SEC16A: variants seen among roughly 807,000 people sequenced by gnomAD.
SEC16A encodes the protein SEC16 homolog A, endoplasmic reticulum export factor.
Under a neutral mutation model 221.9 loss-of-function variants are expected in SEC16A, and 110 were observed. The ratio of observed to expected loss-of-function variants is 0.50; its 90% CI spans 0.42 to 0.58. SEC16A has a LOEUF of 0.58. SEC16A is among the 20% of genes least tolerant of loss of function. The probability of loss-of-function intolerance (pLI) is 0.00; values close to 1 mark genes in which losing one functional copy is unlikely to be tolerated. For missense variants in SEC16A, 3,165 were observed against 3,097.8 expected (o/e 1.02, Z -0.52); for synonymous variants, 1,393 against 1,257.7 (o/e 1.11, Z -2.28).
intron 12 of SEC16A, among the ~76,000 whole-genome samples, chr9:136,461,632 G>A (rs898707080): frequency 6.6e-6 from 1 of 152,158 alleles, no homozygotes; most frequent in South Asian, 2.1e-4. Flanking sequence ...GGAGGCCTCC[G>A]CGAATATCCT....
In SEC16A at chr9:136,440,671, GGA is replaced by G. The variant is rs1196293072; in HGVS notation, c.*1082_*1083del. 6.6e-6 allele frequency: 1 copy of G among 152,538 alleles called. No individual in the cohort carries two copies. Among genetic ancestry groups the G allele is most frequent in the Non-Finnish European group, 1.5e-5 (1 of 68,042 alleles). The allele number at this position is 152,538 out of a possible 1,614,324, so 9.4% of individuals were successfully genotyped here. On this transcript the variant is annotated 3_prime_UTR_variant, in exon 32 of 32. Transcript: ENST00000684901. Reference sequence around the variant, plus strand: ...GAGTTGAACAGGGTTGAGTCCACCAGGAGCTACTCAAAGTCTCAGTGTGGCAA... The same window carrying G: ...GAGTTGAACAGGGTTGAGTCCACCAGGCTACTCAAAGTCTCAGTGTGGCAA...
Position 136,463,448 on chromosome 9 carries a change from T to G in SEC16A, c.4647+15A>C, listed in dbSNP as rs1427661832. The G allele has an allele frequency of 3.1e-6, 5 of 1,610,590 alleles. No homozygotes were observed. Among genetic ancestry groups the G allele is most frequent in the Non-Finnish European group, 3.4e-6 (4 of 1,177,900 alleles). On this transcript the variant is annotated intron_variant, in intron 11 of 31. Coordinates refer to ENST00000684901, the MANE Select transcript of SEC16A (RefSeq NM_014866.2). ...CCAGCAAGAAGAAACACTCTAGAAGTAGAAAGAAACATACCCCATTTTGTC... is the reference window on the plus strand; with the variant it reads ...CCAGCAAGAAGAAACACTCTAGAAGGAGAAAGAAACATACCCCATTTTGTC...
Position 136,460,062 on chromosome 9 carries a change from G to T in SEC16A, c.5053C>A (p.Arg1685=). 1.2e-6 allele frequency: 2 copies of T among 1,605,530 alleles called. No homozygotes were observed. Among genetic ancestry groups the T allele is most frequent in the East Asian group, 2.2e-5 (1 of 44,484 alleles). Residue 1685 remains arginine, a synonymous_variant, in exon 14 of 32, where the codon CGG becomes AGG. Transcript: ENST00000684901. The stretch of plus-strand genomic sequence containing the variant: ...CTCACCGTGGACGCGGCAGGCATCC[G>T]TCCGGACATGAGCTGGTAGACTGTC... ...LQTVYQLMSG[R]MPAASTCCGD...
Position 136,483,030 on chromosome 9 carries a change from T to C in SEC16A, c.-284A>G, listed in dbSNP as rs1842614357. On this transcript the variant is annotated 5_prime_UTR_variant, in exon 1 of 32. Transcript: ENST00000684901. ...AGACACCTCAGCCGCCGCAGCCATC[T>C]TGGCACATCCGGCTCGGGTCTCCGC... is the stretch of plus-strand genomic sequence containing the variant. 1 of 985,080 alleles carries C rather than the reference T, an allele frequency of 1.0e-6. No homozygotes were observed. 61.0% of individuals were successfully genotyped at this position (985,080 alleles called of 1,614,324 possible).
chr9:136,474,814 T>C lies in SEC16A; in HGVS notation c.2802A>G (p.Pro934=), dbSNP rs763583243. The change falls in exon 3 of 32, where the codon CCA becomes CCG. Residue 934 remains proline (P), a synonymous_variant. Transcript: ENST00000684901. The stretch of plus-strand genomic sequence containing the variant: ...TTTGACTTTCTGGAACCAAGTTCTC[T>C]GGAACTGGCTGGGATGGTGGTTGAA... The part of the protein sequence containing the change: ...LLVQPPSQPV[P]ENLVPESQKD... 1 of 1,614,014 alleles carries C rather than the reference T, an allele frequency of 6.2e-7. No homozygotes were observed. Among genetic ancestry groups the C allele is most frequent in the Non-Finnish European group, 8.5e-7 (1 of 1,179,892 alleles).
At chr9:136,464,107 C>G (rs1225537107) in intron 9 of SEC16A, among the ~76,000 whole-genome samples, 1 of 150,888 alleles carries the variant, frequency 6.6e-6, no homozygotes, top group South Asian at 2.1e-4. Flanking sequence ...TGGGCAGCAC[C>G]GGGCCCACCC....
In SEC16A at chr9:136,466,475, G is replaced by T; in HGVS notation, c.3930-13C>A. On this transcript the variant is annotated splice_polypyrimidine_tract_variant and intron_variant, in intron 6 of 31. Transcript: ENST00000684901. This position sits in a 1 kb window ranked among gnomAD's most constrained non-coding sequence, Gnocchi z 5.5. ...ACGTTTCTCGGGCCTAGAGGAAGCC[G>T]GGGGACAGAGGCAGAGGAATGGGAG... 1 of 1,587,256 alleles carries T rather than the reference G, an allele frequency of 6.3e-7. No homozygotes were observed. The highest frequency in any genetic ancestry group is 2.3e-5 in the East Asian group (1 of 44,042).
intron 22 of SEC16A, 130 bp from the exon 23 acceptor site, chr9:136,451,538 G>C (rs1837812431): frequency 1.8e-6 from 2 of 1,094,936 alleles, no homozygotes; most frequent in Admixed American, 3.1e-5. Flanking sequence ...CTGGTGACCA[G>C]AGGGAGGCAG....
chr9:136,456,224 G>A (rs1472655032), intron 18 of SEC16A, 58 bp from the exon 19 acceptor site: 5 of 1,317,350 alleles, frequency 3.8e-6, no homozygotes, highest in South Asian at 3.6e-5. Flanking sequence ...CAAGTGAGCC[G>A]TCTTCAAAAT....
intron 4 of SEC16A, among the ~76,000 whole-genome samples, chr9:136,469,968 C>T (rs1051807128): frequency 2.6e-5 from 4 of 152,230 alleles, no homozygotes; most frequent in African/African-American, 9.6e-5. Context: ...TCCAAGGAGC[C>T]GCCGTGTCCT....
Position 136,459,182 on chromosome 9 carries a change from C to T in SEC16A, c.5361G>A (p.Glu1787=). ...TCTCGGCACCCAGGGACTGGGCGTA[C>T]TCATAGGCTTCCGTCCTCTGGATTG... is the stretch of plus-strand genomic sequence containing the variant. ...NEAIQRTEAY[E]YAQSLGAETC... is the part of the protein sequence containing the mutation. Residue 1787 remains glutamate, a synonymous_variant, in exon 17 of 32, where the codon GAG becomes GAA. Transcript: ENST00000684901. The surrounding 1 kb of genome is among the most constrained non-coding windows in gnomAD (Gnocchi z 6.1). The T allele has an allele frequency of 1.2e-6, 2 of 1,613,878 alleles. No homozygotes were observed. Among genetic ancestry groups the T allele is most frequent in the Non-Finnish European group, 1.7e-6 (2 of 1,179,786 alleles).
Position 136,459,141 on chromosome 9 carries a change from C to G in SEC16A, c.5402G>C (p.Ser1801Thr). 6.2e-7 allele frequency: 1 copy of G among 1,607,524 alleles called. No homozygotes were observed. Among genetic ancestry groups the G allele is most frequent in the Non-Finnish European group, 8.5e-7 (1 of 1,175,584 alleles). Residue 1801 changes from serine (S) to threonine (T), a missense_variant, in exon 17 of 32, where the codon AGT becomes ACT. This residue lies in a region of SEC16A where 1,088 missense variants were observed against 1,089.6 expected (regional missense o/e 1.00). Transcript: ENST00000684901. The surrounding 1 kb of genome is among the most constrained non-coding windows in gnomAD (Gnocchi z 6.1). ...SLGAETCPLPSFQVFKFIYSC... is the reference protein window; with the variant it reads ...SLGAETCPLPTFQVFKFIYSC... ...CTGGCAGCACCTGCTTACCTGGAAA[C>G]TAGGCAGGGGGCAGGTCTCGGCACC...
chr9:136,445,599 T>C (rs964412768), intron 29 of SEC16A, 46 bp downstream of exon 29: 3 of 1,418,400 alleles, frequency 2.1e-6, no homozygotes, highest in African/African-American at 2.8e-5. Context: ...AGTGAGCTGC[T>C]GGGGAGGCCT....
intron 23 of SEC16A, among the ~76,000 whole-genome samples, chr9:136,449,020 G>T (rs1460265534): frequency 6.6e-6 from 1 of 152,220 alleles, no homozygotes; most frequent in African/African-American, 2.4e-5. Flanking sequence ...TGTGCATTTT[G>T]TTCTGTGTAT....
chr9:136,462,828 C>A (rs1839674868), intron 12 of SEC16A, 59 bp downstream of exon 12: 1 of 1,570,386 alleles, frequency 6.4e-7, no homozygotes, highest in Non-Finnish European at 8.6e-7. Context: ...TGCAACCCCG[C>A]ACCAGGCCCG....
chr9:136,459,544 G>A lies in SEC16A; in HGVS notation c.5203C>T (p.Leu1735Phe), dbSNP rs2132288885. Residue 1735 changes from leucine (L) to phenylalanine (F), a missense_variant, in exon 16 of 32, where the codon CTC (leucine) becomes TTC (phenylalanine). Coordinates refer to ENST00000684901, the MANE Select transcript of SEC16A (RefSeq NM_014866.2). This position sits in a 1 kb window ranked among gnomAD's most constrained non-coding sequence, Gnocchi z 6.1. ...TMGDTLASRG[L>F]LDAAHFCYLM... ...TAGCAGAAGTGGGCCGCATCCAAGAGGCCCCTTGAAGCTGCGGAGAGACGA... is the reference window on the plus strand; with the variant it reads ...TAGCAGAAGTGGGCCGCATCCAAGAAGCCCCTTGAAGCTGCGGAGAGACGA... 2 of 1,598,802 alleles carry A rather than the reference G, an allele frequency of 1.3e-6. No homozygotes were observed. The highest frequency in any genetic ancestry group is 1.7e-5 in the Admixed American group (1 of 57,578).
rs1340803947 is a variant in SEC16A at position 136,474,323 on chromosome 9, T to A, written c.3293A>T (p.Gln1098Leu). The A allele has an allele frequency of 2.5e-6, 4 of 1,611,944 alleles. No homozygotes were observed. The African/African-American group carries it at 5.3e-5, about 22-fold the overall frequency. ...GACCAGAACCAGACTTGCTGGTGAC[T>A]GTGCTGAGTTCTGGGCCTGTCCCTG... is the stretch of plus-strand genomic sequence containing the variant. Reference protein sequence around the residue: ...PAQGQAQNSAQSPASLVLVDA... With the variant: ...PAQGQAQNSALSPASLVLVDA... The change falls in exon 3 of 32, where the codon CAG becomes CTG. Residue 1098 changes from glutamine (Q) to leucine (L), a missense_variant. By Grantham distance (113) the Gln-to-Leu change is moderately radical. Transcript: ENST00000684901.
In SEC16A at chr9:136,447,621, A is replaced by T; in HGVS notation, c.6507T>A (p.Pro2169=). Reference sequence around the variant, plus strand: ...GGGCTCCAGGAGGCCCTGGGAGGGCAGGCGGGGCAGCTTGCACAGTCTTGG... The same window carrying T: ...GGGCTCCAGGAGGCCCTGGGAGGGCTGGCGGGGCAGCTTGCACAGTCTTGG... ...SMPKTVQAAP[P]ALPGPPGAPV... Residue 2169 remains proline, a synonymous_variant, in exon 26 of 32, where the codon CCT becomes CCA. Coordinates refer to ENST00000684901, the MANE Select transcript of SEC16A (RefSeq NM_014866.2). This position sits in a 1 kb window ranked among gnomAD's most constrained non-coding sequence, Gnocchi z 5.5. 1 of 1,613,804 alleles carries T rather than the reference A, an allele frequency of 6.2e-7. No individual in the cohort carries two copies. The highest frequency in any genetic ancestry group is 8.5e-7 in the Non-Finnish European group (1 of 1,179,752).
rs980769898 is a variant in SEC16A, at chr9:136,441,959, T to C, written c.7006-136A>G. Reference sequence around the variant, plus strand: ...CGCTGACAAGCTGAAGGCTTCGTTTTTGTTTCCAAAAGCCTCTGGAAACCG... The same window carrying C: ...CGCTGACAAGCTGAAGGCTTCGTTTCTGTTTCCAAAAGCCTCTGGAAACCG... On this transcript the variant is annotated intron_variant, in intron 31 of 31. Coordinates refer to ENST00000684901, the MANE Select transcript of SEC16A (RefSeq NM_014866.2). 1.7e-5 allele frequency: 13 copies of C among 750,132 alleles called. No homozygotes were observed. In the African/African-American group the frequency reaches 2.3e-4, roughly 13 times the overall value. 46.5% of individuals were successfully genotyped at this position (750,132 alleles called of 1,614,324 possible).
Sources: gnomAD v4.1 joint callset for allele counts (sites outside exome capture counted in the v4.1 genomes callset) on GRCh38, gnomAD v4.1.1 for gene constraint, gnomAD v4.1.1 regional missense constraint, Gnocchi (gnomAD v3.1) non-coding constraint, MANE v1.5 for transcripts, NCBI Gene and HGNC (gene_info 2026-07-23, HGNC 2026-07-21) for gene names.